The following DNM3 variants were observed in gnomAD, a reference collection of about 807,000 sequenced individuals.
DNM3 encodes dynamin-3.
In DNM3, 47 loss-of-function variants were observed where a neutral mutation model predicts 101.6. That is an observed-to-expected ratio of 0.46 (90% CI 0.37 to 0.59). The LOEUF (loss-of-function observed/expected upper bound fraction) is 0.59. DNM3 is among the 20% of genes least tolerant of loss of function. The pLI is 0.00. For synonymous variants in DNM3, 385 were observed against 387.9 expected (o/e 0.99, Z 0.09); for missense variants, 849 against 1,085.7 (o/e 0.78, Z 3.06).
chr1:171,950,600 A>C (rs1324724035), intron 2 of DNM3, among the ~76,000 whole-genome samples: 2 of 152,172 alleles, frequency 1.3e-5, no homozygotes, highest in African/African-American at 4.8e-5. Flanking sequence ...GGGCATCTGT[A>C]TTTATATAAA....
At chr1:171,873,276 C>T (rs1384474498) in intron 1 of DNM3, among the ~76,000 whole-genome samples, 1 of 152,072 alleles carries the variant, frequency 6.6e-6, no homozygotes, top group African/African-American at 2.4e-5. Flanking sequence ...GGTGCCTGAC[C>T]TGTAGTAGGT....
intron 1 of DNM3, among the ~76,000 whole-genome samples, chr1:171,862,101 G>A (rs2125046153): frequency 6.6e-6 from 1 of 152,260 alleles, no homozygotes; most frequent in East Asian, 1.9e-4. Context: ...AGGATGTGGA[G>A]AAATTGGAAC....
At chr1:171,916,704 T>C (rs906580204) in intron 1 of DNM3, among the ~76,000 whole-genome samples, 1 of 152,200 alleles carries the variant, frequency 6.6e-6, no homozygotes, top group Non-Finnish European at 1.5e-5. Context: ...TAATCCCCAG[T>C]GATTATTCTG....
At chr1:172,103,042 A>G (rs2054762708) in intron 13 of DNM3, among the ~76,000 whole-genome samples, 1 of 152,188 alleles carries the variant, frequency 6.6e-6, no homozygotes, top group Non-Finnish European at 1.5e-5. Context: ...AAGTTAAACA[A>G]TAAATATATG....
intron 2 of DNM3, among the ~76,000 whole-genome samples, chr1:171,927,716 A>G (rs2040691542): frequency 6.6e-6 from 1 of 152,222 alleles, no homozygotes; most frequent in Non-Finnish European, 1.5e-5. Flanking sequence ...TTTTGCAGGA[A>G]TATGGAGGGA....
intron 5 of DNM3, among the ~76,000 whole-genome samples, 195 bp downstream of exon 5, chr1:172,032,695 C>A (rs1161980798): frequency 6.6e-6 from 1 of 151,562 alleles, no homozygotes; most frequent in Non-Finnish European, 1.5e-5. Flanking sequence ...AGAAAATAAT[C>A]CAAAGGGAGA....
chr1:172,411,494 A>C lies in DNM3; in HGVS notation c.*3653A>C, dbSNP rs2071199326. On this transcript the variant is annotated 3_prime_UTR_variant, in exon 21 of 21. Transcript: ENST00000627582. ...TTGGATTGCTGAGCTGAATCTTAAA[A>C]AGCCAAGTTGATATACATAGTCATT... 5.1e-6 allele frequency: 5 copies of C among 984,844 alleles called. No individual in the cohort carries two copies. The South Asian group carries it at 1.9e-4, about 37-fold the overall frequency. 61.0% of individuals were successfully genotyped at this position (984,844 alleles called of 1,614,324 possible). A position where few individuals can be genotyped will look rare whatever the true frequency, so the allele number is the denominator to read the frequency against.
chr1:172,051,226 A>G (rs2050184405), intron 10 of DNM3, among the ~76,000 whole-genome samples: 1 of 152,106 alleles, frequency 6.6e-6, no homozygotes, highest in African/African-American at 2.4e-5. Flanking sequence ...GTGGCTTCCA[A>G]AGATTATTCC....
intron 4 of DNM3, among the ~76,000 whole-genome samples, chr1:172,009,049 T>TTA (rs1328790920): frequency 8.1e-5 from 11 of 136,266 alleles, no homozygotes; most frequent in Middle Eastern, 4.0e-3. Flanking sequence ...TATTTATATA[T>TTA]TATATAATAT....
intron 14 of DNM3, chr1:172,144,222 C>T (rs1420479492): frequency 6.6e-6 from 1 of 151,554 alleles, no homozygotes. Context: ...CTATATACCA[C>T]ACACTTTTGC....
intron 14 of DNM3, among the ~76,000 whole-genome samples, chr1:172,182,964 C>A (rs2059399188): frequency 6.6e-6 from 1 of 152,014 alleles, no homozygotes; most frequent in Non-Finnish European, 1.5e-5. Context: ...TTTTAATAAT[C>A]ATGACAACTG....
intron 15 of DNM3, among the ~76,000 whole-genome samples, chr1:172,280,566 T>G (rs951463461): frequency 6.6e-6 from 1 of 152,188 alleles, no homozygotes; most frequent in East Asian, 1.9e-4. Context: ...AACCGATTTA[T>G]TTAATGATAA....
At position 172,131,086 on chromosome 1, in the gene DNM3, T is replaced by C; in HGVS notation, c.1546-89T>C. Reference sequence around the variant, plus strand: ...AATACTATTTTTATTGCAATTAATATCTTGTTTTTAACTTCTTAGTCCAAG... The same window carrying C: ...AATACTATTTTTATTGCAATTAATACCTTGTTTTTAACTTCTTAGTCCAAG... On this transcript the variant is annotated intron_variant, in intron 13 of 20. Coordinates refer to ENST00000627582, the MANE Select transcript of DNM3 (RefSeq NM_015569.5). 3 of 1,061,744 alleles carry C rather than the reference T, an allele frequency of 2.8e-6. No homozygotes were observed. The East Asian group carries it at 7.7e-5, about 27-fold the overall frequency. The allele number at this position is 1,061,744 out of a possible 1,614,324, so 65.8% of individuals were successfully genotyped here.
chr1:172,054,045 T>G (rs975960216), intron 10 of DNM3, among the ~76,000 whole-genome samples: 2 of 152,192 alleles, frequency 1.3e-5, no homozygotes, highest in Non-Finnish European at 1.5e-5. Flanking sequence ...TCAGGCAATG[T>G]GAAAATAAGT....
In DNM3 at chr1:172,409,312, GTTAAC is replaced by G. The variant is rs757915916; in HGVS notation, c.*1479_*1483del. 7.1e-6 allele frequency: 7 copies of G among 985,248 alleles called. No homozygotes were observed. Among genetic ancestry groups the G allele is most frequent in the East Asian group, 2.3e-4 (2 of 8,816 alleles). 61.0% of individuals were successfully genotyped at this position (985,248 alleles called of 1,614,324 possible). On this transcript the variant is annotated 3_prime_UTR_variant, in exon 21 of 21. Coordinates refer to ENST00000627582, the MANE Select transcript of DNM3 (RefSeq NM_015569.5). Reference sequence around the variant, plus strand: ...TGAAAGTAGCAAACATGATTTGTATGTTAACTTAACTTTAATTTCCTGTGTAGTTT... The same window carrying G: ...TGAAAGTAGCAAACATGATTTGTATGTTAACTTTAATTTCCTGTGTAGTTT...
At chr1:171,944,336 AATGT>A (rs1458239473) in intron 2 of DNM3, among the ~76,000 whole-genome samples, 2 of 147,214 alleles carry the variant, frequency 1.4e-5, no homozygotes, top group Non-Finnish European at 3.0e-5. Flanking sequence ...ACTTTTAAAC[AATGT>A]ATTTATTTAT....
intron 1 of DNM3, among the ~76,000 whole-genome samples, chr1:171,862,373 A>G (rs987285910): frequency 6.6e-6 from 1 of 152,214 alleles, no homozygotes; most frequent in African/African-American, 2.4e-5. Flanking sequence ...ACAAAATGTG[A>G]CATACATTGA....
intron 15 of DNM3, among the ~76,000 whole-genome samples, chr1:172,266,630 G>A (rs2062869668): frequency 6.6e-6 from 1 of 152,134 alleles, no homozygotes; most frequent in Non-Finnish European, 1.5e-5. Flanking sequence ...TAAATACCCT[G>A]ATTCAGGAAG....
At chr1:172,033,567 G>A (rs2048763146) in intron 6 of DNM3, among the ~76,000 whole-genome samples, 1 of 152,102 alleles carries the variant, frequency 6.6e-6, no homozygotes, top group East Asian at 1.9e-4. Context: ...TAGTTATCTT[G>A]AGAAGTTAAA....
Sources: gnomAD v4.1 joint callset for allele counts (sites outside exome capture counted in the v4.1 genomes callset) on GRCh38, gnomAD v4.1.1 for gene constraint, MANE v1.5 for transcripts, NCBI Gene and HGNC (gene_info 2026-07-23, HGNC 2026-07-21) for gene names.